Variants in RSF1 observed in about 807,000 individuals in gnomAD.
The protein encoded by RSF1 is remodeling and spacing factor 1.
RSF1 carries 13 observed loss-of-function variants against 145.2 expected under a neutral mutation model. The ratio of observed to expected loss-of-function variants is 0.09; its 90% CI spans 0.06 to 0.14. The LOEUF is 0.14. Among genes scored for constraint, RSF1 ranks in the 10% least tolerant of loss-of-function variants. RSF1 has a pLI of 1.00. For synonymous variants in RSF1, 577 were observed against 592.6 expected (o/e 0.97, Z 0.38); for missense variants, 1,517 against 1,718.2 (o/e 0.88, Z 2.07).
At chr11:77,733,950 A>AT (rs926584010) in intron 4 of RSF1, among the ~76,000 whole-genome samples, 9 of 151,782 alleles carry the variant, frequency 5.9e-5, no homozygotes, top group African/African-American at 2.2e-4. Flanking sequence ...TAGATGTAAA[A>AT]TTTTTTTTTC....
At chr11:77,853,936 G>A in the RSF1 span, among the ~76,000 whole-genome samples, 9 of 151,266 alleles carry the variant, frequency 5.9e-5, no homozygotes, top group South Asian at 2.1e-4. Context: ...GTGAGACTCC[G>A]TCTCAAAAAA....
chr11:77,711,777 A>T (rs773845099), intron 5 of RSF1, among the ~76,000 whole-genome samples: 4 of 152,224 alleles, frequency 2.6e-5, no homozygotes, highest in Non-Finnish European at 4.4e-5. Flanking sequence ...GAAAATTAAC[A>T]TTGGTAAAAT....
intron 2 of RSF1, among the ~76,000 whole-genome samples, chr11:77,748,830 G>C: frequency 6.6e-6 from 1 of 152,116 alleles, no homozygotes; most frequent in East Asian, 1.9e-4. Flanking sequence ...ACAAGAAAGA[G>C]GAAAACGTAC....
chr11:77,829,866 T>C, the RSF1 span: 2 of 152,252 alleles, frequency 1.3e-5, no homozygotes, highest in African/African-American at 4.8e-5. Context: ...GCACAGTTGT[T>C]CATGCTTGTA....
intron 5 of RSF1, among the ~76,000 whole-genome samples, chr11:77,714,568 G>A (rs1960761077): frequency 6.6e-6 from 1 of 152,202 alleles, no homozygotes; most frequent in Non-Finnish European, 1.5e-5. Context: ...CTAGAGGCCA[G>A]GCGTGGTGAC....
intron 1 of RSF1, among the ~76,000 whole-genome samples, chr11:77,776,281 C>G (rs1948341575): frequency 6.6e-6 from 1 of 152,118 alleles, no homozygotes; most frequent in African/African-American, 2.4e-5. Flanking sequence ...CTTTATGATT[C>G]AAAACCATAA....
chr11:77,713,698 G>GT (rs1180091541), intron 5 of RSF1, among the ~76,000 whole-genome samples: 1 of 151,752 alleles, frequency 6.6e-6, no homozygotes, highest in Non-Finnish European at 1.5e-5. Context: ...TGTTTCTTTT[G>GT]TTTTTTACAA....
At chr11:77,793,195 T>A (rs1948537533) in intron 1 of RSF1, among the ~76,000 whole-genome samples, 1 of 152,160 alleles carries the variant, frequency 6.6e-6, no homozygotes, top group Non-Finnish European at 1.5e-5. Context: ...AGAAACATGA[T>A]CTGGCCAGGT....
At chr11:77,836,806 A>C in the RSF1 span, among the ~76,000 whole-genome samples, 19 of 152,104 alleles carry the variant, frequency 1.2e-4, no homozygotes, top group Admixed American at 2.6e-4. Flanking sequence ...TCTCTACTAA[A>C]AATACAAAAT....
upstream of RSF1, among the ~76,000 whole-genome samples, chr11:77,824,841 T>C (rs1253404923): frequency 6.6e-6 from 1 of 152,228 alleles, no homozygotes; most frequent in East Asian, 1.9e-4. Flanking sequence ...AATGCAATTA[T>C]GCTTCAATTT....
chr11:77,825,204 G>A (rs904710113), upstream of RSF1, among the ~76,000 whole-genome samples: 13 of 151,718 alleles, frequency 8.6e-5, no homozygotes, highest in Non-Finnish European at 1.8e-4. Flanking sequence ...GGATGGTCTC[G>A]ATCTCCTGAC....
chr11:77,740,969 C>A (rs1432735884), intron 3 of RSF1, 33 bp from the exon 4 acceptor site: 1 of 1,473,378 alleles, frequency 6.8e-7, no homozygotes, highest in Non-Finnish European at 9.4e-7. Context: ...CTTAAAATAC[C>A]TCACAAATAT....
chr11:77,856,808 A>G, the RSF1 span, among the ~76,000 whole-genome samples: 1 of 152,222 alleles, frequency 6.6e-6, no homozygotes, highest in Non-Finnish European at 1.5e-5. Context: ...CCCTTCTCCA[A>G]CATTGGGGAT....
chr11:77,784,472 C>T (rs982376461), intron 1 of RSF1, among the ~76,000 whole-genome samples: 2 of 151,610 alleles, frequency 1.3e-5, no homozygotes, highest in African/African-American at 4.9e-5. Flanking sequence ...TCTGAATCTG[C>T]TTCTTTGGGT....
rs531746840 is a variant in RSF1, at chr11:77,779,874, T to TG, written c.188-15186dup. ...AACAAATCTGTCATACTGAACTTCT[T>TG]GGAGTTCCCAAACATACCATGCTAT... On this transcript the variant is annotated intron_variant, in intron 1 of 15. Coordinates refer to ENST00000308488, the MANE Select transcript of RSF1 (RefSeq NM_016578.4). 3.2e-3 allele frequency among the ~76,000 whole-genome samples: 494 copies of TG among 152,344 alleles called. 1 individual carries two copies. Among genetic ancestry groups the TG allele is most frequent in the Non-Finnish European group, 5.0e-3 (338 of 68,028 alleles).
At chr11:77,817,373 G>C (rs897428998) in intron 1 of RSF1, among the ~76,000 whole-genome samples, 4 of 152,092 alleles carry the variant, frequency 2.6e-5, no homozygotes, top group African/African-American at 9.7e-5. Context: ...TGACTTTTTT[G>C]TGAATTTTAC....
intron 3 of RSF1, among the ~76,000 whole-genome samples, chr11:77,745,812 GT>G (rs1947993723): frequency 6.6e-6 from 1 of 151,576 alleles, no homozygotes. Context: ...AACACATTAA[GT>G]TACTTCCTAT....
intron 1 of RSF1, among the ~76,000 whole-genome samples, chr11:77,773,016 G>A (rs1367096109): frequency 1.3e-5 from 2 of 152,144 alleles, no homozygotes; most frequent in African/African-American, 4.8e-5. Flanking sequence ...TCTGGTTTTT[G>A]ATATTGGGTT....
intron 13 of RSF1, among the ~76,000 whole-genome samples, chr11:77,676,283 T>C (rs1339176794): frequency 2.6e-5 from 4 of 151,726 alleles, no homozygotes; most frequent in Non-Finnish European, 5.9e-5. Context: ...GAATGACTTT[T>C]TTTTTTTTTT....
Sources: gnomAD v4.1 joint callset for allele counts (sites outside exome capture counted in the v4.1 genomes callset) on GRCh38, gnomAD v4.1.1 for gene constraint, MANE v1.5 for transcripts, NCBI Gene and HGNC (gene_info 2026-07-23, HGNC 2026-07-21) for gene names.